The following CNTNAP5 variants were observed in gnomAD, a reference collection of about 807,000 sequenced individuals.
CNTNAP5 encodes contactin-associated protein-like 5.
Under a neutral mutation model 150.2 loss-of-function variants are expected in CNTNAP5, and 72 were observed. The observed-to-expected ratio is 0.48, with a 90% CI of 0.40 to 0.58. The LOEUF is 0.58. Among genes scored for constraint, CNTNAP5 ranks in the 20% least tolerant of loss-of-function variants. The pLI, the probability that CNTNAP5 is intolerant of heterozygous loss-of-function variation, is 0.00. For missense variants in CNTNAP5, 1,636 were observed against 1,626.2 expected (o/e 1.01, Z -0.10); for synonymous variants, 672 against 619.8 (o/e 1.08, Z -1.25).
intron 11 of CNTNAP5, among the ~76,000 whole-genome samples, chr2:124,578,922 G>A (rs1696352753): frequency 6.6e-6 from 1 of 151,640 alleles, no homozygotes; most frequent in African/African-American, 2.4e-5. Flanking sequence ...CTTTGCTTAT[G>A]CCTCTATGAA....
chr2:124,779,714 T>A (rs1408644020), intron 17 of CNTNAP5, among the ~76,000 whole-genome samples: 1 of 152,178 alleles, frequency 6.6e-6, no homozygotes. Flanking sequence ...CATTACCCTT[T>A]GAAGGTCCTG....
Position 124,609,665 on chromosome 2 carries a change from C to CACACCA in CNTNAP5, c.1757-136_1757-135insACACCA. On this transcript the variant is annotated intron_variant, in intron 11 of 23. Transcript: ENST00000682447. ...AGCCACTGGTACTGGTGTGTTAAGGCTTGGGGAAAAAGTCAAGGATATAGA... is the reference window on the plus strand; with the variant it reads ...AGCCACTGGTACTGGTGTGTTAAGGCACACCATTGGGGAAAAAGTCAAGGATATAGA... 3 of 889,798 alleles carry CACACCA rather than the reference C, an allele frequency of 3.4e-6. No individual in the cohort carries two copies. The South Asian group carries it at 6.2e-5, about 18-fold the overall frequency. 55.1% of individuals were successfully genotyped at this position (889,798 alleles called of 1,614,324 possible).
intron 1 of CNTNAP5, among the ~76,000 whole-genome samples, chr2:124,172,500 A>C (rs1684957396): frequency 6.6e-6 from 1 of 151,972 alleles, no homozygotes; most frequent in Non-Finnish European, 1.5e-5. Flanking sequence ...GCCACCTCTG[A>C]CCCCGGGGAT....
At chr2:124,461,506 A>T (rs1693250597) in intron 6 of CNTNAP5, among the ~76,000 whole-genome samples, 2 of 123,934 alleles carry the variant, frequency 1.6e-5, no homozygotes, top group South Asian at 5.5e-4. Flanking sequence ...GAAGGGGAAC[A>T]TCACACTCAG....
intron 3 of CNTNAP5, among the ~76,000 whole-genome samples, chr2:124,417,037 A>G (rs1339793177): frequency 6.7e-6 from 1 of 149,120 alleles, no homozygotes; most frequent in Non-Finnish European, 1.5e-5. Context: ...TCCTGGGTTC[A>G]AGTGATTATC....
At chr2:124,857,290 C>A (rs757338318) in intron 19 of CNTNAP5, among the ~76,000 whole-genome samples, 1 of 152,038 alleles carries the variant, frequency 6.6e-6, no homozygotes, top group Non-Finnish European at 1.5e-5. Flanking sequence ...CTACTGGACT[C>A]GGCATATAAG....
chr2:124,192,740 G>A (rs1685489120), intron 1 of CNTNAP5, among the ~76,000 whole-genome samples: 1 of 152,030 alleles, frequency 6.6e-6, no homozygotes, highest in South Asian at 2.1e-4. Context: ...TCATGGCCAC[G>A]AGGAGTCCTA....
intron 7 of CNTNAP5, among the ~76,000 whole-genome samples, chr2:124,502,100 G>C (rs2104860774): frequency 6.6e-6 from 1 of 152,210 alleles, no homozygotes; most frequent in African/African-American, 2.4e-5. Flanking sequence ...GCTTTCTGTT[G>C]AGCTAGGTGT....
chr2:124,446,617 C>A, intron 5 of CNTNAP5, 136 bp from the exon 6 acceptor site: 1 of 800,362 alleles, frequency 1.2e-6, no homozygotes, highest in Non-Finnish European at 1.9e-6. Context: ...CCAGGTCCAG[C>A]ACAGTTCCAG....
chr2:124,865,903 C>T (rs1056221496), intron 20 of CNTNAP5, among the ~76,000 whole-genome samples: 1 of 151,412 alleles, frequency 6.6e-6, no homozygotes, highest in Non-Finnish European at 1.5e-5. Flanking sequence ...GAAATCACGC[C>T]ATTGAACTCC....
chr2:124,840,982 T>G (rs911572006), intron 19 of CNTNAP5, among the ~76,000 whole-genome samples: 4 of 152,064 alleles, frequency 2.6e-5, no homozygotes, highest in African/African-American at 9.7e-5. Flanking sequence ...CAACATACAT[T>G]TTTTGAATGC....
At chr2:124,710,593 G>A (rs1679786559) in intron 13 of CNTNAP5, among the ~76,000 whole-genome samples, 1 of 152,122 alleles carries the variant, frequency 6.6e-6, no homozygotes, top group Non-Finnish European at 1.5e-5. Context: ...TACACCATGT[G>A]TGGTGCTGAA....
chr2:124,028,917 G>A, intron 1 of CNTNAP5, among the ~76,000 whole-genome samples: 1 of 152,246 alleles, frequency 6.6e-6, no homozygotes, highest in Middle Eastern at 3.4e-3. Flanking sequence ...ATTAAGTATG[G>A]TAAGAGATGA....
At chr2:124,754,566 C>T (rs1299682544) in intron 14 of CNTNAP5, among the ~76,000 whole-genome samples, 2 of 152,098 alleles carry the variant, frequency 1.3e-5, no homozygotes, top group African/African-American at 4.8e-5. Flanking sequence ...TCTCTCTCCC[C>T]ATCCACACTT....
intron 3 of CNTNAP5, among the ~76,000 whole-genome samples, chr2:124,416,505 C>G (rs1691921106): frequency 6.6e-6 from 1 of 152,110 alleles, no homozygotes; most frequent in Non-Finnish European, 1.5e-5. Flanking sequence ...TTAAACTTCA[C>G]AAGGAAATAT....
At chr2:124,616,256 A>G (rs1260067906) in intron 12 of CNTNAP5, among the ~76,000 whole-genome samples, 1 of 152,168 alleles carries the variant, frequency 6.6e-6, no homozygotes, top group African/African-American at 2.4e-5. Flanking sequence ...AGCCACTTTC[A>G]TCAATGATCT....
At chr2:124,071,402 A>G (rs553399376) in intron 1 of CNTNAP5, among the ~76,000 whole-genome samples, 47 of 152,024 alleles carry the variant, frequency 3.1e-4, no homozygotes, top group African/African-American at 1.1e-3. Context: ...AAAATTAACA[A>G]AATGAAAAGT....
intron 3 of CNTNAP5, among the ~76,000 whole-genome samples, chr2:124,305,587 A>G (rs989311956): frequency 6.6e-6 from 1 of 152,186 alleles, no homozygotes; most frequent in Non-Finnish European, 1.5e-5. Flanking sequence ...TCCCAGTGCA[A>G]CAGTGTTGAA....
At chr2:124,853,999 T>C (rs911146001) in intron 19 of CNTNAP5, among the ~76,000 whole-genome samples, 1 of 152,242 alleles carries the variant, frequency 6.6e-6, no homozygotes, top group Non-Finnish European at 1.5e-5. Context: ...CATTCTTTTT[T>C]ATGACTGCAT....
Sources: allele counts gnomAD v4.1 joint callset (sites outside exome capture counted in the v4.1 genomes callset), GRCh38; gene constraint gnomAD v4.1.1; transcripts MANE v1.5; gene names NCBI Gene and HGNC (gene_info 2026-07-23, HGNC 2026-07-21).